SUGCT: variants seen among roughly 807,000 people sequenced by gnomAD.
SUGCT encodes the protein succinyl-CoA:glutarate-CoA transferase, also known as succinyl-CoA:glutarate CoA-transferase.
Under a neutral mutation model 55.0 loss-of-function variants are expected in SUGCT, and 41 were observed. The ratio of observed to expected loss-of-function variants is 0.74; its 90% CI spans 0.58 to 0.97. The LOEUF (loss-of-function observed/expected upper bound fraction) is 0.97. SUGCT is among the 50% of genes least tolerant of loss of function. The pLI is 0.00. For synonymous variants in SUGCT, 187 were observed against 200.4 expected, an observed-to-expected ratio of 0.93 and a Z score of 0.56; for missense variants, 568 against 547.8, an observed-to-expected ratio of 1.04 and a Z score of -0.37.
At chr7:40,877,124 T>A in the SUGCT span, among the ~76,000 whole-genome samples, 2 of 152,236 alleles carry the variant, frequency 1.3e-5, no homozygotes, top group Non-Finnish European at 2.9e-5. Flanking sequence ...TCTTCCTTCC[T>A]TCAACCTCTT....
intron 6 of SUGCT, among the ~76,000 whole-genome samples, chr7:40,215,693 G>A (rs943369639): frequency 2.6e-5 from 4 of 151,496 alleles, no homozygotes; most frequent in South Asian, 4.2e-4. Flanking sequence ...AAACCCCGTC[G>A]CTACTAAAAA....
intron 9 of SUGCT, among the ~76,000 whole-genome samples, chr7:40,440,264 A>G (rs543454164): frequency 1.4e-5 from 2 of 143,254 alleles, no homozygotes; most frequent in African/African-American, 2.6e-5. Context: ...GGTTGAAGTG[A>G]TTCTTCTGCC....
chr7:40,676,894 C>CCT (rs71560198), intron 12 of SUGCT, among the ~76,000 whole-genome samples: 9 of 144,056 alleles, frequency 6.2e-5, no homozygotes, highest in African/African-American at 2.1e-4. Context: ...TTCAGAATGA[C>CCT]GTGTGTGTGT....
intron 7 of SUGCT, 83 bp downstream of exon 7, chr7:40,237,809 T>G: frequency 8.9e-7 from 1 of 1,121,096 alleles, no homozygotes; most frequent in Non-Finnish European, 1.3e-6. Context: ...CCCATAGGAT[T>G]AAATGAGTTG....
At chr7:40,918,460 C>CAAAAA in the SUGCT span, among the ~76,000 whole-genome samples, 2 of 101,960 alleles carry the variant, frequency 2.0e-5, no homozygotes, top group African/African-American at 7.1e-5. Context: ...GACTCTGTCT[C>CAAAAA]AAAAAAAAAA....
the SUGCT span, among the ~76,000 whole-genome samples, chr7:40,945,476 A>C: frequency 6.6e-6 from 1 of 152,108 alleles, no homozygotes; most frequent in Non-Finnish European, 1.5e-5. Context: ...CTGTCTACAG[A>C]TGCACCCACA....
intron 6 of SUGCT, among the ~76,000 whole-genome samples, chr7:40,208,409 G>A (rs1787124949): frequency 6.6e-6 from 1 of 152,098 alleles, no homozygotes; most frequent in Admixed American, 6.6e-5. Flanking sequence ...TAAACTATAA[G>A]GTATTCCATG....
chr7:40,178,362 A>G lies in SUGCT; in HGVS notation c.101-2585A>G, dbSNP rs570520437. Among the ~76,000 whole-genome samples the G allele has an allele frequency of 2.0e-5, 3 of 152,288 alleles. No individual in the cohort carries two copies. The South Asian group carries it at 6.2e-4, about 32-fold the overall frequency. The stretch of plus-strand genomic sequence containing the variant: ...TCAGGTGGGGAGGAATGATTTTCTT[A>G]TAAAGTAATTTTCTAAATTTCTAGA... On this transcript the variant is annotated intron_variant, in intron 1 of 13. Coordinates refer to ENST00000335693, the MANE Select transcript of SUGCT (RefSeq NM_001193313.2).
At chr7:40,206,108 T>C (rs1273014255) in intron 6 of SUGCT, among the ~76,000 whole-genome samples, 1 of 152,230 alleles carries the variant, frequency 6.6e-6, no homozygotes, top group Non-Finnish European at 1.5e-5. Context: ...TTGAATGTTT[T>C]ATAGATCGTG....
At chr7:40,969,503 C>A in the SUGCT span, among the ~76,000 whole-genome samples, 1 of 152,132 alleles carries the variant, frequency 6.6e-6, no homozygotes, top group South Asian at 2.1e-4. Flanking sequence ...TAGGACCATA[C>A]CATGCCTGGC....
chr7:40,866,912 A>C, the SUGCT span, among the ~76,000 whole-genome samples: 1 of 151,984 alleles, frequency 6.6e-6, no homozygotes, highest in East Asian at 1.9e-4. Flanking sequence ...CCTGGGTGAC[A>C]TGAGGTGAAA....
At chr7:40,575,038 C>T (rs1444718833) in intron 12 of SUGCT, among the ~76,000 whole-genome samples, 1 of 151,806 alleles carries the variant, frequency 6.6e-6, no homozygotes, top group Non-Finnish European at 1.5e-5. Flanking sequence ...CTCTGCATCC[C>T]TCCTTAACTC....
rs148752894 is a variant in SUGCT, at chr7:40,725,242, C to T, written c.1090-24192C>T. On this transcript the variant is annotated intron_variant, in intron 12 of 13. Coordinates refer to ENST00000335693, the MANE Select transcript of SUGCT (RefSeq NM_001193313.2). ...GGAATGCAGAACTCCTAAGCCAATT[C>T]TCTAGAGGATTTTTATACATTGCTA... Among the ~76,000 whole-genome samples, 267 of 152,326 alleles carry T rather than the reference C, an allele frequency of 1.8e-3. 1 individual carries two copies. The highest frequency in any genetic ancestry group is 2.6e-3 in the Non-Finnish European group (174 of 68,040).
chr7:40,365,909 A>G (rs959570945), intron 9 of SUGCT, among the ~76,000 whole-genome samples: 1 of 152,336 alleles, frequency 6.6e-6, no homozygotes, highest in East Asian at 1.9e-4. Context: ...ATTGGAAAAA[A>G]CTACTTTAAA....
At chr7:40,272,247 A>T (rs1436802611) in intron 7 of SUGCT, among the ~76,000 whole-genome samples, 1 of 132,540 alleles carries the variant, frequency 7.5e-6, no homozygotes, top group East Asian at 2.2e-4. Context: ...ATCATAGCTC[A>T]TTCCAGCCTG....
In SUGCT at chr7:40,843,505, TC is replaced by T. The variant is rs1175067982; in HGVS notation, c.1154-16810del. On this transcript the variant is annotated intron_variant, in intron 13 of 13. Coordinates refer to ENST00000335693, the MANE Select transcript of SUGCT (RefSeq NM_001193313.2). Reference sequence around the variant, plus strand: ...AGCCTAGCAACAGAGAGAGACTCTGTCTCAAAAAAAAAAAGTTGAAGTGAGT... The same window carrying T: ...AGCCTAGCAACAGAGAGAGACTCTGTTCAAAAAAAAAAAGTTGAAGTGAGT... Among the ~76,000 whole-genome samples the T allele has an allele frequency of 1.7e-3, 115 of 66,116 alleles. 1 individual carries two copies. The East Asian group carries it at 0.041, about 23-fold the overall frequency. 43.4% of individuals were successfully genotyped at this position (66,116 alleles called of 152,430 possible).
At chr7:40,369,835 T>G (rs1362529562) in intron 9 of SUGCT, among the ~76,000 whole-genome samples, 1 of 152,018 alleles carries the variant, frequency 6.6e-6, no homozygotes, top group Non-Finnish European at 1.5e-5. Flanking sequence ...ATTGTGTGAG[T>G]GCTTTGATAG....
the SUGCT span, among the ~76,000 whole-genome samples, chr7:40,902,040 G>T: frequency 6.6e-6 from 1 of 152,098 alleles, no homozygotes; most frequent in Admixed American, 6.5e-5. Context: ...ATCCTCACAT[G>T]GGCTCAGAAT....
chr7:40,725,420 G>C (rs182072609), intron 12 of SUGCT, among the ~76,000 whole-genome samples: 1 of 152,008 alleles, frequency 6.6e-6, no homozygotes. Context: ...TGCGTTTTCC[G>C]TGAACCCTTG....
Sources: allele counts gnomAD v4.1 joint callset (sites outside exome capture counted in the v4.1 genomes callset), GRCh38; gene constraint gnomAD v4.1.1; transcripts MANE v1.5; gene names NCBI Gene and HGNC (gene_info 2026-07-23, HGNC 2026-07-21).